Variants in L2HGDH observed in about 807,000 individuals in gnomAD.
L2HGDH encodes the protein L-2-hydroxyglutarate dehydrogenase.
L2HGDH carries 34 observed loss-of-function variants against 51.5 expected under a neutral mutation model. That is an observed-to-expected ratio of 0.66 (90% CI 0.50 to 0.88). The LOEUF (loss-of-function observed/expected upper bound fraction) is 0.88. Ranked by LOEUF, L2HGDH falls within the 40% of genes least tolerant of loss-of-function variation. The pLI, the probability that L2HGDH is intolerant of heterozygous loss-of-function variation, is 0.00. For missense variants in L2HGDH, 558 were observed against 571.9 expected, an observed-to-expected ratio of 0.98 and a Z score of 0.25; for synonymous variants, 198 against 197.9, an observed-to-expected ratio of 1.00 and a Z score of -0.01.
rs1491050173 is a variant in L2HGDH, at chr14:50,263,711, G to GA, written c.1196+1646dup. 1.1e-4 allele frequency among the ~76,000 whole-genome samples: 17 copies of GA among 150,074 alleles called. No individual in the cohort carries two copies. The East Asian group carries it at 2.3e-3, about 21-fold the overall frequency. Reference sequence around the variant, plus strand: ...ACACTAAAAACATTACCAAAGAGGGGAAAAAAATAGGTTTGGGTGGTATTA... The same window carrying GA: ...ACACTAAAAACATTACCAAAGAGGGGAAAAAAAATAGGTTTGGGTGGTATTA... On this transcript the variant is annotated intron_variant, in intron 9 of 9. Coordinates refer to ENST00000267436, the MANE Select transcript of L2HGDH (RefSeq NM_024884.3).
chr14:50,245,280 AC>A lies in L2HGDH; in HGVS notation c.*1777del. On this transcript the variant is annotated 3_prime_UTR_variant, in exon 10 of 10. Transcript: ENST00000267436. ...AGATCAGAGATATAATAGATAAATA[AC>A]TTTTTTAAATTGGAGTTCTATACAT... The A allele has an allele frequency of 1.1e-5, 11 of 985,030 alleles. No homozygotes were observed. Among genetic ancestry groups the A allele is most frequent in the Non-Finnish European group, 1.3e-5 (11 of 829,554 alleles). The allele number at this position is 985,030 out of a possible 1,614,324, so 61.0% of individuals were successfully genotyped here.
intron 9 of L2HGDH, among the ~76,000 whole-genome samples, chr14:50,255,029 C>T (rs1467787410): frequency 6.6e-6 from 1 of 152,054 alleles, no homozygotes; most frequent in East Asian, 1.9e-4. Context: ...GCCTGGGTGA[C>T]AGAGTGAGAC....
At position 50,302,993 on chromosome 14, in the gene L2HGDH, A is replaced by G; in HGVS notation, c.165T>C (p.Gly55=). 6.2e-7 allele frequency: 1 copy of G among 1,612,118 alleles called. No individual in the cohort carries two copies. The highest frequency in any genetic ancestry group is 8.5e-7 in the Non-Finnish European group (1 of 1,178,102). The change falls in exon 2 of 10, where the codon GGT becomes GGC. Residue 55 remains glycine, a synonymous_variant. Transcript: ENST00000267436. ...CAGAGGCAAGCCCCACAATTCCGCCACCAACGATGACTATATCAAATGAGC... is the reference window on the plus strand; with the variant it reads ...CAGAGGCAAGCCCCACAATTCCGCCGCCAACGATGACTATATCAAATGAGC... ...STSSFDIVIV[G]GGIVGLASAR...
At chr14:50,250,426 G>A (rs1888278108) in intron 9 of L2HGDH, among the ~76,000 whole-genome samples, 1 of 152,254 alleles carries the variant, frequency 6.6e-6, no homozygotes, top group South Asian at 2.1e-4. Context: ...GGAGGGAAGA[G>A]TGAGAAGAAC....
rs1264244777 is a variant in L2HGDH, at chr14:50,282,314, C to T, written c.703+1557G>A. On this transcript the variant is annotated intron_variant, in intron 5 of 9. Coordinates refer to ENST00000267436, the MANE Select transcript of L2HGDH (RefSeq NM_024884.3). ...ATTAAGAAACCCTTTCCTAGACCTC[C>T]CCTCTGCAATTACCTTGGTGTCCTA... 19 of 385,160 alleles carry T rather than the reference C, an allele frequency of 4.9e-5. No homozygotes were observed. In the Admixed American group the frequency reaches 6.1e-4, roughly 12 times the overall value. 23.9% of individuals were successfully genotyped at this position (385,160 alleles called of 1,614,324 possible). A position where few individuals can be genotyped will look rare whatever the true frequency, so the allele number is the denominator to read the frequency against.
rs767152827 is a variant in L2HGDH at position 50,283,929 on chromosome 14, G to T, written c.645C>A (p.Thr215=). 4.3e-6 allele frequency: 7 copies of T among 1,613,964 alleles called. No individual in the cohort carries two copies. In the East Asian group the frequency reaches 1.6e-4, roughly 36 times the overall value. The change falls in exon 5 of 10, where the codon ACC becomes ACA. Residue 215 remains threonine (T), a synonymous_variant. Coordinates refer to ENST00000267436, the MANE Select transcript of L2HGDH (RefSeq NM_024884.3). ...DFQEAGGSVL[T]NFEVKGIEMA... ...TTTCAATACCTTTTACTTCAAAATT[G>T]GTCAAGACAGAGCCACCTGCTTCTT...
At chr14:50,284,595 G>A (rs1335144104) in intron 4 of L2HGDH, among the ~76,000 whole-genome samples, 2 of 152,174 alleles carry the variant, frequency 1.3e-5, no homozygotes, top group Non-Finnish European at 2.9e-5. Context: ...TAGAATAAAT[G>A]TTGAACGTGT....
chr14:50,255,582 T>C (rs1171036559), intron 9 of L2HGDH, among the ~76,000 whole-genome samples: 4 of 147,728 alleles, frequency 2.7e-5, no homozygotes, highest in Non-Finnish European at 4.5e-5. Context: ...AAATCTCAGG[T>C]AACATAAACC....
chr14:50,271,048 G>A (rs1383533377), intron 6 of L2HGDH, among the ~76,000 whole-genome samples: 3 of 151,998 alleles, frequency 2.0e-5, no homozygotes, highest in Non-Finnish European at 4.4e-5. Flanking sequence ...GCTGGAGTGC[G>A]ATGGCGCAGT....
chr14:50,246,897 A>G lies in L2HGDH; in HGVS notation c.*161T>C. On this transcript the variant is annotated 3_prime_UTR_variant, in exon 10 of 10. Coordinates refer to ENST00000267436, the MANE Select transcript of L2HGDH (RefSeq NM_024884.3). Reference sequence around the variant, plus strand: ...GCCACCATGCCTGGCTAATTTTTGTAGAAAATTATTATTTCTATGTTACAT... The same window carrying G: ...GCCACCATGCCTGGCTAATTTTTGTGGAAAATTATTATTTCTATGTTACAT... 2 of 1,277,638 alleles carry G rather than the reference A, an allele frequency of 1.6e-6. No individual in the cohort carries two copies. The highest frequency in any genetic ancestry group is 2.1e-6 in the Non-Finnish European group (2 of 955,748). The allele number at this position is 1,277,638 out of a possible 1,614,324, so 79.1% of individuals were successfully genotyped here.
At chr14:50,252,585 G>A (rs1292688647) in intron 9 of L2HGDH, among the ~76,000 whole-genome samples, 2 of 151,894 alleles carry the variant, frequency 1.3e-5, no homozygotes, top group Non-Finnish European at 2.9e-5. Flanking sequence ...GATGGAAAAA[G>A]ATATTCCATG....
chr14:50,274,193 A>G (rs113631089), intron 6 of L2HGDH, among the ~76,000 whole-genome samples: 5 of 152,098 alleles, frequency 3.3e-5, no homozygotes, highest in African/African-American at 1.2e-4. Flanking sequence ...GTAAGAGGAC[A>G]GCTTGAGCCC....
rs2030405688 is a variant in L2HGDH, at chr14:50,301,533, T to A, written c.408+484A>T. On this transcript the variant is annotated intron_variant, in intron 3 of 9. Transcript: ENST00000267436. ...TTCATGCTACAACAGGGATGAACTT[T>A]GACAACATTATGCTAAGTGAGAGAA... Among the ~76,000 whole-genome samples, 3 of 152,218 alleles carry A rather than the reference T, an allele frequency of 2.0e-5. No individual in the cohort carries two copies. The South Asian group carries it at 6.2e-4, about 32-fold the overall frequency.
intron 6 of L2HGDH, 58 bp downstream of exon 6, chr14:50,278,462 A>G: frequency 1.8e-6 from 2 of 1,142,852 alleles, no homozygotes; most frequent in East Asian, 2.4e-5. Flanking sequence ...GGTTAATTTA[A>G]TTTTTAATAA....
chr14:50,244,827 C>G lies in L2HGDH; in HGVS notation c.*2231G>C, dbSNP rs1595053331. 1.0e-6 allele frequency: 1 copy of G among 985,434 alleles called. No individual in the cohort carries two copies. The highest frequency in any genetic ancestry group is 1.2e-6 in the Non-Finnish European group (1 of 829,934). The allele number at this position is 985,434 out of a possible 1,614,324, so 61.0% of individuals were successfully genotyped here. A position where few individuals can be genotyped will look rare whatever the true frequency, so the allele number is the denominator to read the frequency against. On this transcript the variant is annotated 3_prime_UTR_variant, in exon 10 of 10. Coordinates refer to ENST00000267436, the MANE Select transcript of L2HGDH (RefSeq NM_024884.3). ...ACATCCTTCTCACCCATCCATCATA[C>G]AGCTTTGGAGAGCTAAGAGGAAAGA...
At chr14:50,269,096 G>T in intron 7 of L2HGDH, 67 bp downstream of exon 7, 139 of 1,274,828 alleles carry the variant, frequency 1.1e-4, no homozygotes, top group Non-Finnish European at 1.5e-4. Flanking sequence ...AGTGAAAGTT[G>T]TTTTCATCTC....
rs1890096550 is a variant in L2HGDH at position 50,278,558 on chromosome 14, A to G, written c.704-4T>C. ...ATAACAATTGGATATTGCATTCCTG[A>G]AAAAAAAGAATAAGTGAAAAATTTA... On this transcript the variant is annotated splice_polypyrimidine_tract_variant and splice_region_variant and intron_variant, in intron 5 of 9. Transcript: ENST00000267436. 1.5e-6 allele frequency: 2 copies of G among 1,378,132 alleles called. No individual in the cohort carries two copies. The highest frequency in any genetic ancestry group is 2.0e-6 in the Non-Finnish European group (2 of 980,190). The allele number at this position is 1,378,132 out of a possible 1,614,324, so 85.4% of individuals were successfully genotyped here.
chr14:50,260,324 G>T (rs965184276), intron 9 of L2HGDH, among the ~76,000 whole-genome samples: 2 of 152,154 alleles, frequency 1.3e-5, no homozygotes, highest in East Asian at 3.9e-4. Context: ...ATAGACCCAA[G>T]ATTTCTTTTT....
intron 4 of L2HGDH, chr14:50,293,108 A>AT (rs2029869070): frequency 4.6e-6 from 3 of 648,098 alleles, no homozygotes; most frequent in African/African-American, 1.8e-5. Context: ...GTAAGAACCC[A>AT]TTTAAAAAAA....
Sources: gnomAD v4.1 joint callset for allele counts (sites outside exome capture counted in the v4.1 genomes callset) on GRCh38, gnomAD v4.1.1 for gene constraint, MANE v1.5 for transcripts, NCBI Gene and HGNC (gene_info 2026-07-23, HGNC 2026-07-21) for gene names.